SCAF11: variants seen among roughly 807,000 people sequenced by gnomAD.
SCAF11 encodes protein SCAF11.
A neutral mutation model predicts 140.5 loss-of-function variants in SCAF11; 47 were observed. The ratio of observed to expected loss-of-function variants is 0.33; its 90% confidence interval spans 0.26 to 0.43. SCAF11 has a LOEUF of 0.43. Ranked by LOEUF, SCAF11 falls within the 20% of genes least tolerant of loss-of-function variation. The pLI, the probability that SCAF11 is intolerant of heterozygous loss-of-function variation, is 1.00. For missense variants in SCAF11, 1,645 were observed against 1,705.1 expected (o/e 0.96, Z 0.62); for synonymous variants, 557 against 579.4 (o/e 0.96, Z 0.55).
chr12:45,928,278 A>T lies in SCAF11; in HGVS notation c.1423T>A (p.Ser475Thr). 2 of 1,614,012 alleles carry T rather than the reference A, an allele frequency of 1.2e-6. No homozygotes were observed. Among genetic ancestry groups the T allele is most frequent in the Non-Finnish European group, 1.7e-6 (2 of 1,179,992 alleles). ...GGAAGATCTTGAGCACAAGACTCAGAAGATGAAGATCCTACTCTTTCCTCT... is the reference window on the plus strand; with the variant it reads ...GGAAGATCTTGAGCACAAGACTCAGTAGATGAAGATCCTACTCTTTCCTCT... ...DTEERVGSSS[S>T]ESCAQDLPVL... Residue 475 changes from serine to threonine, a missense_variant, in exon 11 of 15, where the codon TCT becomes ACT. Transcript: ENST00000369367.
chr12:45,979,720 G>A (rs1015742181), intron 1 of SCAF11, among the ~76,000 whole-genome samples: 1 of 151,902 alleles, frequency 6.6e-6, no homozygotes, highest in Non-Finnish European at 1.5e-5. Context: ...CATCCTTCTA[G>A]GTATCTCAGA....
rs1944649470 is a variant in SCAF11 at position 45,919,140 on chromosome 12, C to T, written c.*2908G>A. The T allele has an allele frequency of 6.6e-6, 1 of 152,170 alleles. No homozygotes were observed. 9.4% of individuals were successfully genotyped at this position (152,170 alleles called of 1,614,324 possible). On this transcript the variant is annotated 3_prime_UTR_variant, in exon 15 of 15. Coordinates refer to ENST00000369367, the MANE Select transcript of SCAF11 (RefSeq NM_004719.3). ...TAAAATGTTAAAGACATTAGTTTATCAAAAGAATTTATTAGAAAATATTAC... is the reference window on the plus strand; with the variant it reads ...TAAAATGTTAAAGACATTAGTTTATTAAAAGAATTTATTAGAAAATATTAC...
intron 1 of SCAF11, among the ~76,000 whole-genome samples, chr12:45,979,333 G>A (rs2136658940): frequency 6.6e-6 from 1 of 151,942 alleles, no homozygotes; most frequent in Non-Finnish European, 1.5e-5. Context: ...AAGAGTTAAA[G>A]GGGGAGAATT....
intron 5 of SCAF11, among the ~76,000 whole-genome samples, chr12:45,945,854 CTTATTA>C (rs1945411021): frequency 6.6e-6 from 1 of 151,602 alleles, no homozygotes; most frequent in Non-Finnish European, 1.5e-5. Context: ...TATTCTTATT[CTTATTA>C]TTATTTTTTT....
chr12:45,926,572 T>C lies in SCAF11; in HGVS notation c.3129A>G (p.Lys1043=), dbSNP rs773776931. Residue 1043 remains lysine (K), a synonymous_variant, in exon 11 of 15, where the codon AAA becomes AAG. Transcript: ENST00000369367. ...DPRTRNPEKL[K]ESHWEENRNE... ...TTCTATTTTCTTCCCAATGAGACTC[T>C]TTCAACTTTTCTGGATTTCTGGTTC... is the stretch of plus-strand genomic sequence containing the variant. The C allele has an allele frequency of 2.5e-6, 4 of 1,613,316 alleles. No individual in the cohort carries two copies. The South Asian group carries it at 4.4e-5, about 18-fold the overall frequency.
At chr12:45,984,787 C>G (rs915188506) in intron 1 of SCAF11, among the ~76,000 whole-genome samples, 1 of 151,956 alleles carries the variant, frequency 6.6e-6, no homozygotes, top group African/African-American at 2.4e-5. Context: ...CTCCACCTCC[C>G]AGGTTCAAGC....
intron 6 of SCAF11, among the ~76,000 whole-genome samples, chr12:45,937,067 GTATTA>G (rs923543979): frequency 2.0e-5 from 3 of 151,778 alleles, no homozygotes; most frequent in Admixed American, 6.6e-5. Context: ...CATTTACTAA[GTATTA>G]TATTATTTCT....
rs370709240 is a variant in SCAF11, at chr12:45,984,926, C to T, written c.-22+5427G>A. 5.2e-4 allele frequency among the ~76,000 whole-genome samples: 79 copies of T among 152,302 alleles called. 3 individuals carry two copies. Among genetic ancestry groups the T allele is most frequent in the African/African-American group, 1.9e-3 (77 of 41,552 alleles). ...GCCAGGCTGGCCTTGAACTCCTGAC[C>T]TCAAGTGATCCACCTGCCTTGGCCT... On this transcript the variant is annotated intron_variant, in intron 1 of 14. Coordinates refer to ENST00000369367, the MANE Select transcript of SCAF11 (RefSeq NM_004719.3).
chr12:45,953,711 G>T (rs184814461), intron 3 of SCAF11: 62 of 211,902 alleles, frequency 2.9e-4, no homozygotes, highest in Non-Finnish European at 5.6e-4. Context: ...AAACTAAGAT[G>T]TATAGAGGCC....
At chr12:45,974,161 A>G (rs11183269) in intron 1 of SCAF11, 147,324 of 470,442 alleles carry the variant, frequency 0.31, 23,742 homozygotes, top group Admixed American at 0.36. Flanking sequence ...ATTATGTCTA[A>G]AAACTGTACA....
chr12:45,928,427 G>A lies in SCAF11; in HGVS notation c.1274C>T (p.Pro425Leu), dbSNP rs765766877. ...TSPVLEKEHQ[P>L]DVDSSNICTV... Reference sequence around the variant, plus strand: ...ACAAATGTTACTACTGTCTACATCTGGTTGGTGCTCTTTTTCTAACACAGG... The same window carrying A: ...ACAAATGTTACTACTGTCTACATCTAGTTGGTGCTCTTTTTCTAACACAGG... The change falls in exon 11 of 15, where the codon CCA (proline) becomes CTA (leucine). Residue 425 changes from proline (P) to leucine (L), a missense_variant. Transcript: ENST00000369367. 42 of 1,612,474 alleles carry A rather than the reference G, an allele frequency of 2.6e-5. No homozygotes were observed. Among genetic ancestry groups the A allele is most frequent in the Non-Finnish European group, 3.1e-5 (36 of 1,178,824 alleles).
intron 1 of SCAF11, among the ~76,000 whole-genome samples, chr12:45,973,866 AAT>A (rs1946171485): frequency 1.3e-5 from 2 of 152,198 alleles, no homozygotes; most frequent in African/African-American, 4.8e-5. Context: ...GAAGAAAAAC[AAT>A]GTTAGGAATG....
Position 45,927,967 on chromosome 12 carries a change from C to A in SCAF11, c.1734G>T (p.Val578=), listed in dbSNP as rs763127804. The A allele has an allele frequency of 6.2e-7, 1 of 1,613,180 alleles. No individual in the cohort carries two copies. The highest frequency in any genetic ancestry group is 8.5e-7 in the Non-Finnish European group (1 of 1,179,958). Residue 578 remains valine, a synonymous_variant, in exon 11 of 15, where the codon GTG becomes GTT. Coordinates refer to ENST00000369367, the MANE Select transcript of SCAF11 (RefSeq NM_004719.3). ...TCTCTGTTATTTTTTCTTCATTAAC[C>A]ACTGACTCTACATTCTCAGATAAGT... ...LSDLSENVES[V]VNEEKITESS...
chr12:45,961,256 G>GT (rs1391653423), intron 3 of SCAF11: 2 of 708,608 alleles, frequency 2.8e-6, no homozygotes, highest in African/African-American at 3.5e-5. Flanking sequence ...GGACACTATC[G>GT]TATCTGCTCT....
chr12:45,936,695 T>C (rs1458480612), intron 6 of SCAF11, among the ~76,000 whole-genome samples: 2 of 152,218 alleles, frequency 1.3e-5, no homozygotes, highest in African/African-American at 4.8e-5. Flanking sequence ...TTGTCCTTTG[T>C]CATTATCCCA....
At chr12:45,968,716 G>A (rs542700311) in intron 1 of SCAF11, among the ~76,000 whole-genome samples, 6 of 152,188 alleles carry the variant, frequency 3.9e-5, no homozygotes, top group East Asian at 1.9e-4. Context: ...TGAGGCAGGC[G>A]GACCACTTGA....
intron 8 of SCAF11, among the ~76,000 whole-genome samples, chr12:45,933,748 G>A (rs564022233): frequency 6.6e-6 from 1 of 152,148 alleles, no homozygotes; most frequent in East Asian, 1.9e-4. Context: ...CTAACTGTAC[G>A]TGATTTTAAA....
chr12:45,988,401 G>T (rs770012135), intron 1 of SCAF11, among the ~76,000 whole-genome samples: 6 of 152,166 alleles, frequency 3.9e-5, no homozygotes, highest in Non-Finnish European at 7.4e-5. Flanking sequence ...AGATGTTACT[G>T]ATGATGAATC....
intron 6 of SCAF11, chr12:45,935,111 T>G (rs1445658507): frequency 1.3e-5 from 2 of 152,270 alleles, no homozygotes; most frequent in Non-Finnish European, 2.9e-5. Flanking sequence ...TTGTCCACAG[T>G]GCATATGACA....
Sources: allele counts gnomAD v4.1 joint callset (sites outside exome capture counted in the v4.1 genomes callset), GRCh38; gene constraint gnomAD v4.1.1; transcripts MANE v1.5; gene names NCBI Gene and HGNC (gene_info 2026-07-23, HGNC 2026-07-21).